Variants in PREX1 observed in about 807,000 individuals in gnomAD.
PREX1 encodes the protein phosphatidylinositol 3,4,5-trisphosphate-dependent Rac exchanger 1 protein.
Under a neutral mutation model 198.3 loss-of-function variants are expected in PREX1, and 41 were observed. The observed-to-expected ratio is 0.21, with a 90% CI of 0.16 to 0.27. PREX1 has a LOEUF of 0.27. Among genes scored for constraint, PREX1 ranks in the 10% least tolerant of loss-of-function variants. The pLI is 1.00. For synonymous variants in PREX1, 843 were observed against 887.2 expected (o/e 0.95, Z 0.89); for missense variants, 1,620 against 2,200.7 (o/e 0.74, Z 5.28).
intron 25 of PREX1, among the ~76,000 whole-genome samples, chr20:48,646,512 C>A (rs969887985): frequency 1.3e-5 from 2 of 151,944 alleles, no homozygotes; most frequent in African/African-American, 4.8e-5. Context: ...GCCAACATGG[C>A]GAAACCCTGT....
At chr20:48,698,150 C>G (rs1310526468) in intron 7 of PREX1, among the ~76,000 whole-genome samples, 1 of 152,228 alleles carries the variant, frequency 6.6e-6, no homozygotes, top group Non-Finnish European at 1.5e-5. Flanking sequence ...GCCAGCCCAG[C>G]TCACTTGTGG....
chr20:48,716,308 T>C lies in PREX1; in HGVS notation c.622-7887A>G, dbSNP rs569354729. Among the ~76,000 whole-genome samples the C allele has an allele frequency of 4.5e-4, 68 of 152,326 alleles. 1 individual carries two copies. The highest frequency in any genetic ancestry group is 1.6e-3 in the African/African-American group (67 of 41,590). On this transcript the variant is annotated intron_variant, in intron 5 of 39. Coordinates refer to ENST00000371941, the MANE Select transcript of PREX1 (RefSeq NM_020820.4). Reference sequence around the variant, plus strand: ...AGATGCCTCACCTCCCTCTCGCCCCTGCAATCACATTTACTCAAAGGATGT... The same window carrying C: ...AGATGCCTCACCTCCCTCTCGCCCCCGCAATCACATTTACTCAAAGGATGT...
chr20:48,632,055 C>T (rs112380200), intron 35 of PREX1, among the ~76,000 whole-genome samples: 5 of 152,358 alleles, frequency 3.3e-5, no homozygotes, highest in African/African-American at 9.6e-5. Flanking sequence ...CAAGTGTGTA[C>T]ACTTTCTGGG....
the PREX1 span, among the ~76,000 whole-genome samples, chr20:48,870,428 G>A: frequency 9.8e-3 from 1,488 of 152,292 alleles, 18 homozygotes; most frequent in African/African-American, 0.034. Flanking sequence ...GATTTCTATG[G>A]CTGCACCTGA....
intron 1 of PREX1, among the ~76,000 whole-genome samples, chr20:48,822,551 G>T (rs868187132): frequency 6.6e-6 from 1 of 152,160 alleles, no homozygotes; most frequent in Non-Finnish European, 1.5e-5. Flanking sequence ...TTAGCAAATT[G>T]TTACCATTAT....
chr20:48,653,990 T>A (rs2089522634), intron 19 of PREX1, among the ~76,000 whole-genome samples: 1 of 152,224 alleles, frequency 6.6e-6, no homozygotes, highest in South Asian at 2.1e-4. Context: ...TTGTAGTTCA[T>A]GTGAAAGGTC....
intron 3 of PREX1, 96 bp from the exon 4 acceptor site, chr20:48,734,746 G>C (rs971780649): frequency 1.4e-5 from 14 of 1,013,176 alleles, no homozygotes; most frequent in Non-Finnish European, 1.5e-5. Flanking sequence ...GTAGGGGTAA[G>C]GACTACCCTG....
intron 1 of PREX1, among the ~76,000 whole-genome samples, chr20:48,794,807 A>G (rs2090353416): frequency 6.6e-6 from 1 of 152,118 alleles, no homozygotes; most frequent in South Asian, 2.1e-4. Flanking sequence ...ACATTTATTG[A>G]GTGCTTGCTG....
At position 48,783,677 on chromosome 20, in the gene PREX1, G is replaced by A. The variant is rs544510864; in HGVS notation, c.220-35797C>T. 9.2e-5 allele frequency among the ~76,000 whole-genome samples: 14 copies of A among 152,258 alleles called. No homozygotes were observed. The South Asian group carries it at 1.5e-3, about 16-fold the overall frequency. On this transcript the variant is annotated intron_variant, in intron 1 of 39. Coordinates refer to ENST00000371941, the MANE Select transcript of PREX1 (RefSeq NM_020820.4). ...CGAGAGCCCACAGCACCCTGACACC[G>A]TGTCTCAATCATACCCTGCCTGTCT...
chr20:48,720,850 C>T (rs539915970), intron 5 of PREX1, among the ~76,000 whole-genome samples: 5 of 152,210 alleles, frequency 3.3e-5, no homozygotes, highest in African/African-American at 4.8e-5. Flanking sequence ...AAGGTCCTTG[C>T]GCTGCACTTG....
Position 48,632,655 on chromosome 20 carries a change from G to T in PREX1, c.4268-16C>A, listed in dbSNP as rs1257185198. ...ACGTTGGTGTCTGCGGAAGGATATG[G>T]GGCAGGATGACTCACCACCGAGGCC... On this transcript the variant is annotated splice_polypyrimidine_tract_variant and intron_variant, in intron 33 of 39. Coordinates refer to ENST00000371941, the MANE Select transcript of PREX1 (RefSeq NM_020820.4). 6.2e-7 allele frequency: 1 copy of T among 1,612,838 alleles called. No individual in the cohort carries two copies. Among genetic ancestry groups the T allele is most frequent in the Non-Finnish European group, 8.5e-7 (1 of 1,179,548 alleles).
At chr20:48,641,838 GAGAGGAAGGAAGGAAGGAAGGA>G (rs1222808396) in intron 29 of PREX1, among the ~76,000 whole-genome samples, 24 of 99,506 alleles carry the variant, frequency 2.4e-4, no homozygotes, top group South Asian at 1.3e-3. Context: ...GAGAGAGAGA[GAGAGGAAGGAAGGAAGGAAGGA>G]AGGAAGGAAG....
chr20:48,774,851 C>T (rs1025319801), intron 1 of PREX1, among the ~76,000 whole-genome samples: 2 of 152,272 alleles, frequency 1.3e-5, no homozygotes, highest in African/African-American at 2.4e-5. Context: ...CAGGTCAAAA[C>T]AGGAACTCCA....
At chr20:48,881,738 C>G in the PREX1 span, among the ~76,000 whole-genome samples, 1 of 152,132 alleles carries the variant, frequency 6.6e-6, no homozygotes, top group Non-Finnish European at 1.5e-5. Flanking sequence ...GCCCACCTTG[C>G]CCTCCCAAAG....
Position 48,646,001 on chromosome 20 carries a change from G to C in PREX1, c.3362C>G (p.Ala1121Gly), listed in dbSNP as rs2089448349. 6.2e-7 allele frequency: 1 copy of C among 1,614,074 alleles called. No individual in the cohort carries two copies. Among genetic ancestry groups the C allele is most frequent in the Non-Finnish European group, 8.5e-7 (1 of 1,180,038 alleles). ...CAGGGGCAGGGAGGAGGCCTCCTCA[G>C]CCAAGGATGCGTCGCAGGACCCACC... ...TSGGSCDASL[A>G]EEASSLPLVS... The change falls in exon 26 of 40, where the codon GCT (alanine) becomes GGT (glycine). Residue 1121 changes from alanine (A) to glycine (G), a missense_variant. Transcript: ENST00000371941.
chr20:48,879,979 G>C, the PREX1 span, among the ~76,000 whole-genome samples: 1 of 152,166 alleles, frequency 6.6e-6, no homozygotes, highest in Non-Finnish European at 1.5e-5. Context: ...CTTTTCAAAT[G>C]TTAAAAACTC....
chr20:48,752,425 A>G (rs930477541), intron 1 of PREX1, among the ~76,000 whole-genome samples: 25 of 152,198 alleles, frequency 1.6e-4, no homozygotes, highest in Admixed American at 1.6e-3. Context: ...AACATCTGCT[A>G]TCCAGACCCC....
At chr20:48,850,311 G>A in the PREX1 span, among the ~76,000 whole-genome samples, 1 of 152,184 alleles carries the variant, frequency 6.6e-6, no homozygotes. Flanking sequence ...CCAGGGAGGA[G>A]CAGCTTTATA....
At chr20:48,759,964 T>G (rs1360686011) in intron 1 of PREX1, among the ~76,000 whole-genome samples, 1 of 151,608 alleles carries the variant, frequency 6.6e-6, no homozygotes, top group Non-Finnish European at 1.5e-5. Context: ...ACAAACAAAA[T>G]AGCCAGGTGT....
Sources: gnomAD v4.1 joint callset for allele counts (sites outside exome capture counted in the v4.1 genomes callset) on GRCh38, gnomAD v4.1.1 for gene constraint, MANE v1.5 for transcripts, NCBI Gene and HGNC (gene_info 2026-07-23, HGNC 2026-07-21) for gene names.